The following BET1 variants were observed in gnomAD, a reference collection of about 807,000 sequenced individuals.
The protein encoded by BET1 is Bet1 golgi vesicular membrane trafficking protein.
BET1 carries 9 observed loss-of-function variants against 13.9 expected under a neutral mutation model. That is an observed-to-expected ratio of 0.65 (90% CI 0.39 to 1.13). The LOEUF is 1.13. BET1 is among the 50% of genes most tolerant of loss of function. The pLI, the probability that BET1 is intolerant of heterozygous loss-of-function variation, is 0.01. For synonymous variants in BET1, 39 were observed against 47.3 expected (o/e 0.82, Z 0.72); for missense variants, 127 against 133.6 (o/e 0.95, Z 0.24).
At chr7:93,993,053 A>T (rs1031554038), downstream of BET1, 29 of 981,598 alleles carry the variant, frequency 3.0e-5, no homozygotes, top group Admixed American at 6.1e-5. Context: ...AGTAAAATCC[A>T]AGAAAATACA....
In BET1 at chr7:93,998,903, T is replaced by C. The variant is rs544368149; in HGVS notation, c.144+267A>G. ...GGGGGTGGAAGATGGACAGCTCTGT[T>C]TGAGACATTACAGCAGACAGCATAC... is the stretch of plus-strand genomic sequence containing the variant. On this transcript the variant is annotated intron_variant, in intron 2 of 3. Transcript: ENST00000222547. 6.6e-4 allele frequency among the ~76,000 whole-genome samples: 100 copies of C among 152,172 alleles called. 1 individual carries two copies. The highest frequency in any genetic ancestry group is 3.1e-3 in the Admixed American group (48 of 15,290).
chr7:93,975,720 C>T (rs1028738215), intron 5 of BET1, among the ~76,000 whole-genome samples: 1 of 151,984 alleles, frequency 6.6e-6, no homozygotes, highest in African/African-American at 2.4e-5. Context: ...TACTGCTTAC[C>T]ATTTTTGAAA....
At chr7:93,997,255 C>T (rs909922061) in intron 2 of BET1, among the ~76,000 whole-genome samples, 5 of 152,122 alleles carry the variant, frequency 3.3e-5, no homozygotes, top group African/African-American at 4.8e-5. Context: ...TGGGATAATA[C>T]TGATACAAAA....
At chr7:93,990,026 A>T (rs891319939), downstream of BET1, among the ~76,000 whole-genome samples, 3 of 152,098 alleles carry the variant, frequency 2.0e-5, no homozygotes, top group Non-Finnish European at 4.4e-5. Context: ...GGACTCCTTG[A>T]AATTGTCTTG....
At chr7:93,964,313 T>A (rs957069340) in exon 7 of BET1, 1 of 152,038 alleles carries the variant, frequency 6.6e-6, no homozygotes. Context: ...CCAATTTTTA[T>A]ATCTACGTGC....
intron 4 of BET1, among the ~76,000 whole-genome samples, chr7:93,980,738 C>A (rs1795413463): frequency 6.6e-6 from 1 of 152,104 alleles, no homozygotes; most frequent in South Asian, 2.1e-4. Flanking sequence ...CACTTCTATT[C>A]AACATAGTAC....
At chr7:94,004,058 A>G in intron 1 of BET1, 140 bp downstream of exon 1, 2 of 1,245,680 alleles carry the variant, frequency 1.6e-6, no homozygotes, top group Non-Finnish European at 2.3e-6. Flanking sequence ...TTTCCACTCG[A>G]CATGGACCCC....
chr7:93,982,983 AG>A (rs908526432), intron 4 of BET1, among the ~76,000 whole-genome samples: 12 of 152,266 alleles, frequency 7.9e-5, no homozygotes, highest in Middle Eastern at 3.4e-3. Flanking sequence ...CACTAGGGAA[AG>A]AACAGGGCAG....
chr7:93,999,397 A>C (rs1350899594), intron 1 of BET1, 103 bp from the exon 2 acceptor site: 1 of 1,387,174 alleles, frequency 7.2e-7, no homozygotes, highest in African/African-American at 1.5e-5. Flanking sequence ...CTTGCAAACC[A>C]CATATGTCTC....
At chr7:93,994,456 T>C (rs1795717677) in intron 3 of BET1, 71 bp from the exon 4 acceptor site, 3 of 1,424,962 alleles carry the variant, frequency 2.1e-6, no homozygotes, top group African/African-American at 2.9e-5. Context: ...ATCCAAGTAA[T>C]TGAATAACTG....
chr7:93,993,782 A>G lies in BET1; in HGVS notation c.*448T>C. On this transcript the variant is annotated 3_prime_UTR_variant, in exon 4 of 4. Coordinates refer to ENST00000222547, the MANE Select transcript of BET1 (RefSeq NM_005868.6). ...GGAGGAGAAGGGAGTATATCATTAC[A>G]GTTGATGCAGTTAGGAAAATTCAAT... 2.7e-6 allele frequency: 4 copies of G among 1,506,014 alleles called. No individual in the cohort carries two copies. The South Asian group carries it at 3.9e-5, about 15-fold the overall frequency. The allele number at this position is 1,506,014 out of a possible 1,614,324, so 93.3% of individuals were successfully genotyped here.
chr7:93,972,261 C>T (rs1795269309), intron 6 of BET1: 1 of 151,844 alleles, frequency 6.6e-6, no homozygotes, highest in African/African-American at 2.4e-5. Context: ...AGTAGTCAGG[C>T]AATGAAACCA....
At chr7:93,999,088 C>A in intron 2 of BET1, 82 bp downstream of exon 2, 1 of 1,067,142 alleles carries the variant, frequency 9.4e-7, no homozygotes. Context: ...CTTAGGATGA[C>A]GTCAATAAGA....
chr7:93,991,110 G>A (rs1434335023), downstream of BET1, among the ~76,000 whole-genome samples: 1 of 152,122 alleles, frequency 6.6e-6, no homozygotes, highest in Non-Finnish European at 1.5e-5. Flanking sequence ...GAAAGGAAAA[G>A]AACGGAGGAA....
chr7:93,992,054 T>G, downstream of BET1: 17 of 985,438 alleles, frequency 1.7e-5, no homozygotes, highest in Non-Finnish European at 2.0e-5. Context: ...AAGAGGGTGC[T>G]GGCAGAAGGA....
intron 3 of BET1, among the ~76,000 whole-genome samples, chr7:93,995,840 T>A (rs920148665): frequency 2.6e-5 from 4 of 152,176 alleles, no homozygotes; most frequent in Non-Finnish European, 4.4e-5. Context: ...TATGAGCACT[T>A]TTTTCATAAG....
chr7:93,994,466 G>A (rs1795718029), intron 3 of BET1, 81 bp from the exon 4 acceptor site: 1 of 1,357,818 alleles, frequency 7.4e-7, no homozygotes, highest in Non-Finnish European at 1.0e-6. Context: ...TTGAATAACT[G>A]TTACCATAGT....
chr7:93,993,693 C>T lies in BET1; in HGVS notation c.*537G>A, dbSNP rs1300258564. 1.5e-5 allele frequency: 20 copies of T among 1,345,624 alleles called. No individual in the cohort carries two copies. The highest frequency in any genetic ancestry group is 1.5e-5 in the Non-Finnish European group (16 of 1,054,788). The allele number at this position is 1,345,624 out of a possible 1,614,324, so 83.4% of individuals were successfully genotyped here. A position where few individuals can be genotyped will look rare whatever the true frequency, so the allele number is the denominator to read the frequency against. On this transcript the variant is annotated 3_prime_UTR_variant, in exon 4 of 4. Coordinates refer to ENST00000222547, the MANE Select transcript of BET1 (RefSeq NM_005868.6). ...GCAGAAAGAAATGAGGGGTCATTATCATCAAAAATTATTAGGAAGATTGTA... is the reference window on the plus strand; with the variant it reads ...GCAGAAAGAAATGAGGGGTCATTATTATCAAAAATTATTAGGAAGATTGTA...
intron 5 of BET1, among the ~76,000 whole-genome samples, chr7:93,974,823 A>C (rs566040774): frequency 6.6e-6 from 1 of 152,172 alleles, no homozygotes; most frequent in African/African-American, 2.4e-5. Context: ...AATATTTATT[A>C]ATTAAAAAAG....
Sources: gnomAD v4.1 joint callset for allele counts (sites outside exome capture counted in the v4.1 genomes callset) on GRCh38, gnomAD v4.1.1 for gene constraint, MANE v1.5 for transcripts, NCBI Gene and HGNC (gene_info 2026-07-23, HGNC 2026-07-21) for gene names.